Variants in KIR3DL1 observed in about 807,000 individuals in gnomAD.
The protein encoded by KIR3DL1 is killer cell immunoglobulin-like receptor 3DL1.
In KIR3DL1, 50 loss-of-function variants were observed where a neutral mutation model predicts 40.3. The ratio of observed to expected loss-of-function variants is 1.24; its 90% CI spans 0.99 to 1.57. The LOEUF (loss-of-function observed/expected upper bound fraction) is 1.57, where lower values mean the gene tolerates loss of function less well. Ranked by LOEUF, KIR3DL1 falls within the 40% of genes most tolerant of loss-of-function variation. The pLI is 0.00. For synonymous variants in KIR3DL1, 257 were observed against 207.2 expected (o/e 1.24, Z -2.07); for missense variants, 661 against 559.9 (o/e 1.18, Z -1.82).
At chr19:54,820,111 G>C in intron 4 of KIR3DL1, 99 bp downstream of exon 4, 1 of 1,290,470 alleles carries the variant, frequency 7.7e-7, no homozygotes, top group Non-Finnish European at 1.1e-6. Flanking sequence ...ATAAGTGTGG[G>C]ATTCTTATGG....
At chr19:54,818,083 C>A (rs1428372356) in intron 2 of KIR3DL1, among the ~76,000 whole-genome samples, 1 of 138,340 alleles carries the variant, frequency 7.2e-6, no homozygotes, top group Non-Finnish European at 1.5e-5. Flanking sequence ...AGTAATTTTG[C>A]AGTATTAAAA....
exon 4 of KIR3DL1, chr19:54,819,740 C>G: frequency 6.2e-7 from 1 of 1,609,580 alleles, no homozygotes; most frequent in Non-Finnish European, 8.5e-7. Context: ...TCCCTCCTGG[C>G]CCACCCAGGT....
chr19:54,827,138 T>A (rs1236191663), intron 6 of KIR3DL1, among the ~76,000 whole-genome samples: 5 of 151,494 alleles, frequency 3.3e-5, no homozygotes, highest in Non-Finnish European at 7.4e-5. Context: ...GGAGGTAGAA[T>A]CATTTGCAGG....
At chr19:54,820,532 C>A in intron 4 of KIR3DL1, among the ~76,000 whole-genome samples, 1 of 151,362 alleles carries the variant, frequency 6.6e-6, no homozygotes, top group African/African-American at 2.4e-5. Context: ...AACACCAACC[C>A]CTGTATGCTG....
intron 4 of KIR3DL1, among the ~76,000 whole-genome samples, chr19:54,821,291 A>G (rs2061620265): frequency 6.6e-6 from 1 of 151,042 alleles, no homozygotes; most frequent in Non-Finnish European, 1.5e-5. Context: ...TTAAAGAAAA[A>G]GGAAGATCAA....
At chr19:54,827,928 A>G (rs4239590) in intron 6 of KIR3DL1, among the ~76,000 whole-genome samples, 127,274 of 149,290 alleles carry the variant, frequency 0.85, 54,893 homozygotes, top group East Asian at 0.94. Flanking sequence ...CACCTGTGGA[A>G]ATACAGATAG....
At chr19:54,826,925 T>G (rs2061926910) in intron 6 of KIR3DL1, among the ~76,000 whole-genome samples, 1 of 151,830 alleles carries the variant, frequency 6.6e-6, no homozygotes, top group Admixed American at 6.5e-5. Context: ...AGTGTGTGTT[T>G]GACACTCACA....
At chr19:54,830,163 A>G (rs1389595754) in exon 9 of KIR3DL1, 1 of 1,524,570 alleles carries the variant, frequency 6.6e-7, no homozygotes, top group East Asian at 2.3e-5. Context: ...GTTTTCACAC[A>G]GAGAAAAATC....
exon 3 of KIR3DL1, chr19:54,818,498 T>C (rs1446167807): frequency 1.9e-6 from 3 of 1,611,208 alleles, no homozygotes; most frequent in Non-Finnish European, 2.5e-6. Context: ...ATGAGCCCTG[T>C]GACCACAGCA....
At chr19:54,821,711 G>A in exon 5 of KIR3DL1, 1 of 1,609,124 alleles carries the variant, frequency 6.2e-7, no homozygotes, top group Non-Finnish European at 8.5e-7. Flanking sequence ...TAGGCTCCCT[G>A]CAGTGCGCAA....
chr19:54,823,608 C>T (rs1297834894), intron 5 of KIR3DL1, among the ~76,000 whole-genome samples: 2 of 151,448 alleles, frequency 1.3e-5, no homozygotes, highest in Non-Finnish European at 2.9e-5. Flanking sequence ...ACTGATTCTC[C>T]TGCCTCAGCC....
Position 54,819,757 on chromosome 19 carries a change from G to C in KIR3DL1, c.400G>C (p.Val134Leu), listed in dbSNP as rs376516392. 1,242 of 1,610,022 alleles carry C rather than the reference G, an allele frequency of 7.7e-4. 14 individuals are homozygous for C. The highest frequency in any genetic ancestry group is 9.4e-4 in the Non-Finnish European group (1,112 of 1,178,060). ...CCTCCTGGCCCACCCAGGTCCCCTG[G>C]TGAAATCAGGAGAGAGAGTCATCCT... Residue 134 changes from valine (V) to leucine (L), a missense_variant, in exon 4 of 9, where the codon GTG (valine) becomes CTG (leucine). Transcript: ENST00000391728.
intron 6 of KIR3DL1, among the ~76,000 whole-genome samples, chr19:54,826,588 G>T (rs1299404075): frequency 6.8e-6 from 1 of 147,122 alleles, no homozygotes; most frequent in East Asian, 1.9e-4. Flanking sequence ...CCAAAGTACT[G>T]GGATTACAGG....
intron 1 of KIR3DL1, 70 bp from the exon 2 acceptor site, chr19:54,817,464 G>A (rs612235): frequency 0.25 from 319,509 of 1,267,170 alleles, 45,801 homozygotes; most frequent in South Asian, 0.34. Context: ...AAGACGCACA[G>A]CCCAGTGGGG....
At chr19:54,817,621 T>C in intron 2 of KIR3DL1, 52 bp downstream of exon 2, 1 of 1,405,310 alleles carries the variant, frequency 7.1e-7, no homozygotes, top group Non-Finnish European at 9.8e-7. Context: ...AAGAGGATTT[T>C]CCTGAAATGG....
chr19:54,818,392 C>T, exon 3 of KIR3DL1: 3 of 1,607,382 alleles, frequency 1.9e-6, no homozygotes, highest in Non-Finnish European at 2.5e-6. Context: ...TCTTCGGTGT[C>T]ACTATCGTCA....
At chr19:54,821,778 C>A in exon 5 of KIR3DL1, 1 of 1,607,500 alleles carries the variant, frequency 6.2e-7, no homozygotes, top group South Asian at 1.1e-5. Context: ...CACGGAGGGA[C>A]CTACAGATGC....
At chr19:54,829,386 G>A (rs150471749) in exon 7 of KIR3DL1, 1 of 1,472,812 alleles carries the variant, frequency 6.8e-7, no homozygotes, top group Admixed American at 1.8e-5. Flanking sequence ...TGCACATTCT[G>A]ATTGGGACCT....
At chr19:54,824,422 A>T (rs1186243658) in intron 5 of KIR3DL1, among the ~76,000 whole-genome samples, 3 of 151,540 alleles carry the variant, frequency 2.0e-5, no homozygotes, top group African/African-American at 7.3e-5. Flanking sequence ...CACACCTGCA[A>T]TTCCAGCACT....
Sources: allele counts gnomAD v4.1 joint callset (sites outside exome capture counted in the v4.1 genomes callset), GRCh38; gene constraint gnomAD v4.1.1; transcripts MANE v1.5; gene names NCBI Gene and HGNC (gene_info 2026-07-23, HGNC 2026-07-21).